Variants in BCAS1 observed in about 807,000 individuals in gnomAD.
The protein encoded by BCAS1 is brain enriched myelin associated protein 1.
BCAS1 carries 46 observed loss-of-function variants against 65.4 expected under a neutral mutation model. The observed-to-expected ratio is 0.70, with a 90% confidence interval of 0.55 to 0.90. The LOEUF is 0.90. Among genes scored for constraint, BCAS1 ranks in the 40% least tolerant of loss-of-function variants. The pLI, the probability that BCAS1 is intolerant of heterozygous loss-of-function variation, is 0.00. For synonymous variants in BCAS1, 298 were observed against 293.5 expected (o/e 1.02, Z -0.16); for missense variants, 793 against 771.2 (o/e 1.03, Z -0.33).
intron 12 of BCAS1, among the ~76,000 whole-genome samples, chr20:53,951,970 A>G (rs1229091812): frequency 6.6e-6 from 1 of 152,236 alleles, no homozygotes; most frequent in Admixed American, 6.5e-5. Context: ...GAAAAATGAA[A>G]GAAGGAAGAA....
chr20:53,944,799 A>C lies in BCAS1; in HGVS notation c.*123T>G. The C allele has an allele frequency of 1.1e-6, 1 of 944,490 alleles. No individual in the cohort carries two copies. 58.5% of individuals were successfully genotyped at this position (944,490 alleles called of 1,614,324 possible). On this transcript the variant is annotated 3_prime_UTR_variant, in exon 13 of 13. Transcript: ENST00000688948. ...ATACAACAGCTCGGGCTTAATTTCT[A>C]GGCAGAATTTCATTTGCTGGCCATC...
chr20:54,030,653 T>C (rs1391456728), intron 3 of BCAS1, among the ~76,000 whole-genome samples: 1 of 151,202 alleles, frequency 6.6e-6, no homozygotes, highest in Non-Finnish European at 1.5e-5. Flanking sequence ...TGCCCAACTC[T>C]AGTGTCTCGC....
chr20:53,946,946 G>A (rs1415219161), intron 12 of BCAS1, among the ~76,000 whole-genome samples: 2 of 151,920 alleles, frequency 1.3e-5, no homozygotes, highest in Non-Finnish European at 2.9e-5. Context: ...AATAAATAGA[G>A]TGTAGTTTAG....
chr20:53,989,043 G>T (rs539422613), intron 7 of BCAS1, among the ~76,000 whole-genome samples: 1 of 152,296 alleles, frequency 6.6e-6, no homozygotes, highest in African/African-American at 2.4e-5. Context: ...TGGGAGAAGG[G>T]TTATGCCAAA....
intron 3 of BCAS1, among the ~76,000 whole-genome samples, chr20:54,041,951 C>T (rs921700666): frequency 1.5e-5 from 2 of 135,042 alleles, no homozygotes; most frequent in Admixed American, 7.6e-5. Context: ...TATAGATCGT[C>T]GGTGGGAGTG....
At chr20:53,996,092 T>G in intron 4 of BCAS1, 42 bp from the exon 5 acceptor site, 2 of 1,537,874 alleles carry the variant, frequency 1.3e-6, no homozygotes, top group Non-Finnish European at 1.8e-6. Context: ...TTGCTGAATG[T>G]GAACTCTCAA....
At chr20:53,951,260 C>T (rs1353728618) in intron 12 of BCAS1, among the ~76,000 whole-genome samples, 1 of 152,060 alleles carries the variant, frequency 6.6e-6, no homozygotes, top group Admixed American at 6.5e-5. Context: ...ATCACTCGAG[C>T]TCGGGAGTTC....
rs571126272 is a variant in BCAS1 at position 54,018,296 on chromosome 20, G to A, written c.723+10096C>T. The stretch of plus-strand genomic sequence containing the variant: ...TGTTGGTCTCTCCACTAGAAGGAAA[G>A]CTCCCATGAAGTACACTGTTCTACC... On this transcript the variant is annotated intron_variant, in intron 4 of 12. Transcript: ENST00000688948. Among the ~76,000 whole-genome samples, 230 of 152,156 alleles carry A rather than the reference G, an allele frequency of 1.5e-3. 1 individual carries two copies. Among genetic ancestry groups the A allele is most frequent in the African/African-American group, 5.2e-3 (216 of 41,494 alleles).
intron 9 of BCAS1, among the ~76,000 whole-genome samples, chr20:53,973,319 T>C (rs891537627): frequency 2.0e-5 from 3 of 152,194 alleles, no homozygotes; most frequent in African/African-American, 7.2e-5. Context: ...TTAAGTCATT[T>C]AAGGCAATTT....
At chr20:53,960,673 CTTCCTTCCTTCCTTCT>C (rs1477788582) in intron 10 of BCAS1, among the ~76,000 whole-genome samples, 1 of 151,386 alleles carries the variant, frequency 6.6e-6, no homozygotes, top group Non-Finnish European at 1.5e-5. Context: ...TGTTTCCTTC[CTTCCTTCCTTCCTTCT>C]TTCCTTCCTT....
rs2089253012 is a variant in BCAS1, at chr20:53,944,755, G to A, written c.*167C>T. ...TGCCAGAAAAGACTGGACCAGAGAC[G>A]TAAATAATACACCTCAATATACAAC... On this transcript the variant is annotated 3_prime_UTR_variant, in exon 13 of 13. Coordinates refer to ENST00000688948, the MANE Select transcript of BCAS1 (RefSeq NM_001366298.2). The A allele has an allele frequency of 2.0e-5, 14 of 694,946 alleles. No individual in the cohort carries two copies. Among genetic ancestry groups the A allele is most frequent in the South Asian group, 1.3e-4 (8 of 59,490 alleles). The allele number at this position is 694,946 out of a possible 1,614,324, so 43.0% of individuals were successfully genotyped here. A position where few individuals can be genotyped will look rare whatever the true frequency, so the allele number is the denominator to read the frequency against.
chr20:54,051,478 T>C (rs2092211570), intron 3 of BCAS1, among the ~76,000 whole-genome samples: 1 of 152,094 alleles, frequency 6.6e-6, no homozygotes, highest in Non-Finnish European at 1.5e-5. Flanking sequence ...GGGCAGTATA[T>C]GGGAGGAATG....
intron 3 of BCAS1, among the ~76,000 whole-genome samples, chr20:54,031,447 G>A (rs944881720): frequency 6.6e-6 from 1 of 151,348 alleles, no homozygotes; most frequent in African/African-American, 2.4e-5. Context: ...ATTTAGGTGG[G>A]TACATACCCA....
At chr20:53,988,751 G>A (rs2090678961) in intron 7 of BCAS1, among the ~76,000 whole-genome samples, 2 of 152,114 alleles carry the variant, frequency 1.3e-5, no homozygotes, top group Admixed American at 1.3e-4. Context: ...CAACTTACAG[G>A]AAGACACTAA....
At chr20:54,067,355 G>A (rs548880187) in intron 1 of BCAS1, among the ~76,000 whole-genome samples, 29 of 116,728 alleles carry the variant, frequency 2.5e-4, no homozygotes, top group African/African-American at 6.7e-4. Flanking sequence ...CAGCCTGAGC[G>A]ACAGAATGAA....
intron 4 of BCAS1, among the ~76,000 whole-genome samples, chr20:54,001,517 T>C (rs66752610): frequency 0.17 from 25,309 of 152,044 alleles, 2,369 homozygotes; most frequent in East Asian, 0.28. Context: ...TAAAACCTAA[T>C]ATTGGTGTTT....
chr20:54,064,265 A>G (rs887947531), intron 1 of BCAS1, among the ~76,000 whole-genome samples: 2 of 152,214 alleles, frequency 1.3e-5, no homozygotes, highest in South Asian at 2.1e-4. Flanking sequence ...GGTGATTTCC[A>G]TGGCTGAGAG....
At position 53,992,641 on chromosome 20, in the gene BCAS1, C is replaced by T. The variant is rs544592254; in HGVS notation, c.933G>A (p.Ser311=). 78 of 1,365,960 alleles carry T rather than the reference C, an allele frequency of 5.7e-5. No individual in the cohort carries two copies. The highest frequency in any genetic ancestry group is 3.5e-4 in the South Asian group (31 of 88,006). 84.6% of individuals were successfully genotyped at this position (1,365,960 alleles called of 1,614,324 possible). Residue 311 remains serine (S), a synonymous_variant, in exon 7 of 13, where the codon TCG becomes TCA. Transcript: ENST00000688948. ...ETKKDPEDTA[S]KAESVCDGQA... ...GTCCATCACAGACACTTTCTGCTTT[C>T]GATGCCTTTGGGGCAACAGCAGTCA... is the stretch of plus-strand genomic sequence containing the variant.
intron 3 of BCAS1, among the ~76,000 whole-genome samples, chr20:54,054,489 A>T (rs2092267292): frequency 6.6e-6 from 1 of 152,182 alleles, no homozygotes; most frequent in African/African-American, 2.4e-5. Context: ...TCACTTTTAT[A>T]CCCCTTAAAA....
Sources: gnomAD v4.1 joint callset for allele counts (sites outside exome capture counted in the v4.1 genomes callset) on GRCh38, gnomAD v4.1.1 for gene constraint, MANE v1.5 for transcripts, NCBI Gene and HGNC (gene_info 2026-07-23, HGNC 2026-07-21) for gene names.